TWSG1: variants seen among roughly 807,000 people sequenced by gnomAD.
TWSG1 encodes the protein twisted gastrulation BMP signaling modulator 1, also known as twisted gastrulation protein homolog 1.
A neutral mutation model predicts 23.0 loss-of-function variants in TWSG1; 15 were observed. The observed-to-expected ratio is 0.65, with a 90% CI of 0.44 to 1.00. The LOEUF (loss-of-function observed/expected upper bound fraction) is 1.00. Ranked by LOEUF, TWSG1 falls within the 50% of genes least tolerant of loss-of-function variation. The pLI is 0.00. For missense variants in TWSG1, 242 were observed against 278.7 expected (o/e 0.87, Z 0.94); for synonymous variants, 86 against 92.8 (o/e 0.93, Z 0.42).
intron 2 of TWSG1, among the ~76,000 whole-genome samples, chr18:9,347,993 A>G (rs1441581314): frequency 6.6e-6 from 1 of 152,100 alleles, no homozygotes; most frequent in Non-Finnish European, 1.5e-5. Context: ...GATTTCTTCA[A>G]ATGTATACAT....
At chr18:9,361,427 A>G (rs1272919747) in intron 3 of TWSG1, among the ~76,000 whole-genome samples, 1 of 152,194 alleles carries the variant, frequency 6.6e-6, no homozygotes, top group Non-Finnish European at 1.5e-5. Flanking sequence ...TGTAGAATTT[A>G]GGTACTCCAA....
At chr18:9,377,224 T>C (rs946114446) in intron 3 of TWSG1, among the ~76,000 whole-genome samples, 1 of 151,662 alleles carries the variant, frequency 6.6e-6, no homozygotes. Flanking sequence ...TCTTTTTCTT[T>C]TTTTTTTTTG....
chr18:9,391,998 G>T (rs2040715066), intron 3 of TWSG1, among the ~76,000 whole-genome samples: 1 of 152,174 alleles, frequency 6.6e-6, no homozygotes, highest in South Asian at 2.1e-4. Context: ...TGTCATCCAG[G>T]CTTTGTTGTT....
At chr18:9,347,772 T>C (rs1375107266) in intron 2 of TWSG1, among the ~76,000 whole-genome samples, 1 of 152,136 alleles carries the variant, frequency 6.6e-6, no homozygotes, top group Non-Finnish European at 1.5e-5. Flanking sequence ...CTTTTACATT[T>C]CAAGAGCTCT....
chr18:9,391,079 C>T (rs559083673), intron 3 of TWSG1, among the ~76,000 whole-genome samples: 5 of 152,306 alleles, frequency 3.3e-5, no homozygotes, highest in South Asian at 2.1e-4. Flanking sequence ...ACTAGGTTTA[C>T]GTAACATTCT....
At chr18:9,382,955 C>T (rs918540466) in intron 3 of TWSG1, among the ~76,000 whole-genome samples, 6 of 152,016 alleles carry the variant, frequency 3.9e-5, no homozygotes, top group African/African-American at 1.4e-4. Context: ...TGAGGTGAAC[C>T]ACTTAATATC....
At position 9,396,157 on chromosome 18, in the gene TWSG1, A is replaced by T. The variant is rs2040734345; in HGVS notation, c.224-123A>T. The T allele has an allele frequency of 3.7e-5, 31 of 838,304 alleles. No individual in the cohort carries two copies. In the South Asian group the frequency reaches 5.6e-4, roughly 15 times the overall value. 51.9% of individuals were successfully genotyped at this position (838,304 alleles called of 1,614,324 possible). ...TTTAGGCTCACCCAGCAAAAAAAAA[A>T]AAAAAAAAAAAAGGTAGGAAAATAT... On this transcript the variant is annotated intron_variant, in intron 3 of 4. Transcript: ENST00000262120.
chr18:9,361,011 CCTT>C (rs2040550189), intron 3 of TWSG1, among the ~76,000 whole-genome samples: 2 of 152,046 alleles, frequency 1.3e-5, no homozygotes, highest in South Asian at 2.1e-4. Context: ...TTTTATCACT[CCTT>C]CTAGTGAAAT....
chr18:9,365,591 C>T (rs912009608), intron 3 of TWSG1, among the ~76,000 whole-genome samples: 5 of 152,046 alleles, frequency 3.3e-5, no homozygotes, highest in Admixed American at 2.0e-4. Flanking sequence ...GCAGGAGAAT[C>T]GCTTGAGCCC....
At position 9,399,476 on chromosome 18, in the gene TWSG1, A is replaced by T. The variant is rs753407508; in HGVS notation, c.621A>T (p.Glu207Asp). ...CCTGCTGCGAGTGCATTGGTCCAGA[A>T]TGTATTGACTATGGTAGTAAAACTG... ...HNACCECIGP[E>D]CIDYGSKTVK... Residue 207 changes from glutamate (E) to aspartate (D), a missense_variant, in exon 5 of 5, where the codon GAA becomes GAT. Glu to Asp is a conservative substitution (Grantham distance 45). Transcript: ENST00000262120. 8 of 1,613,962 alleles carry T rather than the reference A, an allele frequency of 5.0e-6. No individual in the cohort carries two copies. The Admixed American group carries it at 1.3e-4, about 27-fold the overall frequency.
At position 9,394,092 on chromosome 18, in the gene TWSG1, A is replaced by G. The variant is rs556304856; in HGVS notation, c.224-2188A>G. ...AAGGAAATCAGTATATCGAAGAGAC[A>G]TCTGCACCTCTGTGTTTATTGCAGC... On this transcript the variant is annotated intron_variant, in intron 3 of 4. Coordinates refer to ENST00000262120, the MANE Select transcript of TWSG1 (RefSeq NM_020648.6). Among the ~76,000 whole-genome samples, 8 of 152,344 alleles carry G rather than the reference A, an allele frequency of 5.3e-5. No homozygotes were observed. In the East Asian group the frequency reaches 1.5e-3, roughly 29 times the overall value.
In TWSG1 at chr18:9,360,001, C is replaced by G. The variant is rs2040545068; in HGVS notation, c.153C>G (p.Gly51=). 2 of 1,613,572 alleles carry G rather than the reference C, an allele frequency of 1.2e-6. No individual in the cohort carries two copies. Among genetic ancestry groups the G allele is most frequent in the Non-Finnish European group, 8.5e-7 (1 of 1,179,642 alleles). The part of the protein sequence containing the change: ...QELCQCRPGE[G]NCSCCKECML... Reference sequence around the variant, plus strand: ...TCTGCCAGTGCCGGCCGGGAGAAGGCAATTGCTCCTGCTGTAAGGAGTGCA... The same window carrying G: ...TCTGCCAGTGCCGGCCGGGAGAAGGGAATTGCTCCTGCTGTAAGGAGTGCA... Residue 51 remains glycine (G), a synonymous_variant, in exon 3 of 5, where the codon GGC becomes GGG. Transcript: ENST00000262120.
intron 2 of TWSG1, among the ~76,000 whole-genome samples, chr18:9,342,050 A>C (rs1411294939): frequency 6.6e-6 from 1 of 152,200 alleles, no homozygotes; most frequent in Non-Finnish European, 1.5e-5. Flanking sequence ...GATGGGCTGC[A>C]TCAAAATCTG....
intron 3 of TWSG1, among the ~76,000 whole-genome samples, chr18:9,393,219 C>T (rs756285949): frequency 6.6e-6 from 1 of 152,110 alleles, no homozygotes. Context: ...TAAAATACAG[C>T]GCAATAAAAT....
At chr18:9,396,770 A>C (rs2040738998) in intron 4 of TWSG1, 29 of 611,944 alleles carry the variant, frequency 4.7e-5, no homozygotes, top group South Asian at 3.6e-4. Context: ...GTAGATAAAA[A>C]GGCATGTCGG....
intron 2 of TWSG1, among the ~76,000 whole-genome samples, chr18:9,344,245 G>A (rs2040463231): frequency 6.6e-6 from 1 of 152,116 alleles, no homozygotes; most frequent in African/African-American, 2.4e-5. Context: ...ATATACCTAG[G>A]AGTAGAATTG....
intron 2 of TWSG1, among the ~76,000 whole-genome samples, chr18:9,357,822 A>G (rs1320651954): frequency 1.7e-5 from 2 of 118,408 alleles, no homozygotes; most frequent in Non-Finnish European, 3.9e-5. Context: ...ATTATGCCAT[A>G]AGGAGGAGGA....
chr18:9,376,512 G>A (rs1010178328), intron 3 of TWSG1, among the ~76,000 whole-genome samples: 4 of 152,116 alleles, frequency 2.6e-5, no homozygotes, highest in Non-Finnish European at 5.9e-5. Context: ...GTATCTTTGG[G>A]TTTTGTATTA....
rs973004997 is a variant in TWSG1 at position 9,401,562 on chromosome 18, T to G, written c.*2035T>G. On this transcript the variant is annotated 3_prime_UTR_variant, in exon 5 of 5. Coordinates refer to ENST00000262120, the MANE Select transcript of TWSG1 (RefSeq NM_020648.6). ...CCACATTGTTTTAATTGATTTTTCT[T>G]ATCTTGATTTCTTTCATTAGAAACT... 6.6e-6 allele frequency: 1 copy of G among 152,188 alleles called. No homozygotes were observed. The highest frequency in any genetic ancestry group is 2.4e-5 in the African/African-American group (1 of 41,438). 9.4% of individuals were successfully genotyped at this position (152,188 alleles called of 1,614,324 possible). A position where few individuals can be genotyped will look rare whatever the true frequency, so the allele number is the denominator to read the frequency against.
Sources: gnomAD v4.1 joint callset for allele counts (sites outside exome capture counted in the v4.1 genomes callset) on GRCh38, gnomAD v4.1.1 for gene constraint, MANE v1.5 for transcripts, NCBI Gene and HGNC (gene_info 2026-07-23, HGNC 2026-07-21) for gene names.